CSMD1: variants seen among roughly 807,000 people sequenced by gnomAD.
CSMD1 encodes the protein CUB and sushi domain-containing protein 1.
In CSMD1, 213 loss-of-function variants were observed where a neutral mutation model predicts 417.5. The ratio of observed to expected loss-of-function variants is 0.51; its 90% CI spans 0.46 to 0.57. The LOEUF is 0.57. CSMD1 is among the 20% of genes least tolerant of loss of function. The pLI, the probability that CSMD1 is intolerant of heterozygous loss-of-function variation, is 0.00. For synonymous variants in CSMD1, 2,862 were observed against 1,736.8 expected (o/e 1.65, Z -16.11); for missense variants, 6,923 against 4,529.7 (o/e 1.53, Z -15.17).
intron 1 of CSMD1, among the ~76,000 whole-genome samples, chr8:4,945,000 C>T (rs918079300): frequency 1.3e-5 from 2 of 152,146 alleles, no homozygotes; most frequent in East Asian, 1.9e-4. Context: ...GTGGAACCAA[C>T]CCGTGTCCCT....
intron 10 of CSMD1, among the ~76,000 whole-genome samples, chr8:3,565,056 CCTGCACATG>C (rs1418270200): frequency 3.5e-5 from 5 of 141,194 alleles, no homozygotes; most frequent in African/African-American, 1.3e-4. Flanking sequence ...ACCTGCACAT[CCTGCACATG>C]GACCCCTGAA....
chr8:3,494,245 T>C (rs975694444), intron 10 of CSMD1, among the ~76,000 whole-genome samples: 2 of 147,190 alleles, frequency 1.4e-5, no homozygotes, highest in East Asian at 3.9e-4. Flanking sequence ...TTTTTGTTTG[T>C]TTTTTTACAA....
At chr8:3,520,920 T>C (rs1326544327) in intron 10 of CSMD1, among the ~76,000 whole-genome samples, 4 of 152,078 alleles carry the variant, frequency 2.6e-5, no homozygotes, top group Non-Finnish European at 5.9e-5. Context: ...AGCTTCAACA[T>C]TTGGGATGAT....
At chr8:4,256,762 C>G (rs1291406151) in intron 3 of CSMD1, among the ~76,000 whole-genome samples, 1 of 152,126 alleles carries the variant, frequency 6.6e-6, no homozygotes, top group Non-Finnish European at 1.5e-5. Flanking sequence ...GGGCAGTGCC[C>G]TGCTCTCAAG....
chr8:4,450,453 T>A (rs6999396), intron 2 of CSMD1, among the ~76,000 whole-genome samples: 1 of 151,842 alleles, frequency 6.6e-6, no homozygotes, highest in Non-Finnish European at 1.5e-5. Context: ...GGGTGAAACC[T>A]CATCTCTACT....
intron 5 of CSMD1, among the ~76,000 whole-genome samples, chr8:3,991,337 G>T (rs146639619): frequency 6.6e-6 from 1 of 152,136 alleles, no homozygotes; most frequent in African/African-American, 2.4e-5. Flanking sequence ...GCGTAGTCTG[G>T]GATGGCCAGT....
In CSMD1 at chr8:3,284,236, G is replaced by T; in HGVS notation, c.4061C>A (p.Pro1354Gln). The T allele has an allele frequency of 6.2e-7, 1 of 1,613,426 alleles. No homozygotes were observed. Among genetic ancestry groups the T allele is most frequent in the South Asian group, 1.1e-5 (1 of 90,884 alleles). The change falls in exon 26 of 70, where the codon CCG becomes CAG. Residue 1354 changes from proline (P) to glutamine (Q), a missense_variant. Pro to Gln is a moderately conservative substitution (Grantham distance 76). Coordinates refer to ENST00000635120, the MANE Select transcript of CSMD1 (RefSeq NM_033225.6). ...LLKEWSGSAL[P>Q]EDIHSTFNSL... ...GTTGAAGGTGCTGTGGATGTCCTCC[G>T]GAAGGGCGGAGCCACTCCACTCCTT...
intron 1 of CSMD1, among the ~76,000 whole-genome samples, chr8:4,977,966 G>C (rs555605223): frequency 6.6e-5 from 10 of 152,310 alleles, no homozygotes; most frequent in Admixed American, 6.5e-5. Context: ...GTCCTGCACA[G>C]GTGCTGTATT....
intron 5 of CSMD1, among the ~76,000 whole-genome samples, chr8:3,810,603 T>G (rs1345083774): frequency 6.6e-6 from 1 of 152,198 alleles, no homozygotes; most frequent in Non-Finnish European, 1.5e-5. Context: ...CAGTTCTCCC[T>G]TGTCACTGGT....
At chr8:3,110,020 G>A in intron 43 of CSMD1, 138 bp downstream of exon 43, 1 of 715,350 alleles carries the variant, frequency 1.4e-6, no homozygotes, top group Non-Finnish European at 2.2e-6. Context: ...TATATCTCTG[G>A]ATTTCGTTGG....
chr8:3,185,111 T>C (rs147082786), intron 36 of CSMD1, among the ~76,000 whole-genome samples: 78 of 152,330 alleles, frequency 5.1e-4, no homozygotes, highest in African/African-American at 1.8e-3. Context: ...TTATAGCCAG[T>C]TGGTCAGAGT....
chr8:3,373,442 G>A (rs1170792897), intron 18 of CSMD1: 1 of 152,186 alleles, frequency 6.6e-6, no homozygotes, highest in Non-Finnish European at 1.5e-5. Context: ...CAGTTATCAT[G>A]AAGACTTTAC....
intron 1 of CSMD1, among the ~76,000 whole-genome samples, chr8:4,763,777 T>C (rs562529194): frequency 3.9e-5 from 6 of 152,316 alleles, no homozygotes; most frequent in South Asian, 2.1e-4. Flanking sequence ...TTTCTAACTA[T>C]ATGTTAACTT....
chr8:4,583,555 A>G (rs1243057367), intron 2 of CSMD1, among the ~76,000 whole-genome samples: 2 of 152,240 alleles, frequency 1.3e-5, no homozygotes, highest in Non-Finnish European at 2.9e-5. Flanking sequence ...AAACACACCA[A>G]TCAGCACCCT....
chr8:3,084,626 T>A (rs1360898314), intron 49 of CSMD1, among the ~76,000 whole-genome samples: 1 of 151,354 alleles, frequency 6.6e-6, no homozygotes, highest in Non-Finnish European at 1.5e-5. Flanking sequence ...ACTACAAAAA[T>A]CACACATTTA....
chr8:4,721,110 T>A (rs1320581026), intron 1 of CSMD1, among the ~76,000 whole-genome samples: 4 of 152,170 alleles, frequency 2.6e-5, no homozygotes, highest in Admixed American at 2.0e-4. Flanking sequence ...AAAAAGGCTT[T>A]GGAAACTTAC....
At chr8:4,955,253 C>G (rs927486065) in intron 1 of CSMD1, among the ~76,000 whole-genome samples, 15 of 152,126 alleles carry the variant, frequency 9.9e-5, no homozygotes, top group Non-Finnish European at 1.5e-5. Flanking sequence ...CTTTGAAACA[C>G]AGTCATCCTT....
At chr8:4,775,013 G>A (rs1019550573) in intron 1 of CSMD1, among the ~76,000 whole-genome samples, 1 of 152,108 alleles carries the variant, frequency 6.6e-6, no homozygotes, top group Admixed American at 6.5e-5. Context: ...TTAAAGCAGT[G>A]TGAGAATGGA....
chr8:3,770,080 G>A (rs1003539314), intron 5 of CSMD1, among the ~76,000 whole-genome samples: 1 of 152,166 alleles, frequency 6.6e-6, no homozygotes, highest in Non-Finnish European at 1.5e-5. Flanking sequence ...TCTATTTCCA[G>A]ATTACTCCCT....
Sources: allele counts gnomAD v4.1 joint callset (sites outside exome capture counted in the v4.1 genomes callset), GRCh38; gene constraint gnomAD v4.1.1; transcripts MANE v1.5; gene names NCBI Gene and HGNC (gene_info 2026-07-23, HGNC 2026-07-21).